NOG: variants seen among roughly 807,000 people sequenced by gnomAD.
NOG encodes the protein symphalangism 1 (proximal).
Under a neutral mutation model 17.9 loss-of-function variants are expected in NOG, and 2 were observed. The observed-to-expected ratio is 0.11, with a 90% CI of 0.05 to 0.35. NOG has a LOEUF of 0.35. Ranked by LOEUF, NOG falls within the 10% of genes least tolerant of loss-of-function variation. The pLI is 1.00. For missense variants in NOG, 266 were observed against 318.6 expected (o/e 0.83, Z 1.26); for synonymous variants, 166 against 148.7 (o/e 1.12, Z -0.85).
chr17:56,594,927 C>CG lies in NOG; in HGVS notation c.*10dup. 6.4e-7 allele frequency: 1 copy of CG among 1,560,840 alleles called. No homozygotes were observed. The highest frequency in any genetic ancestry group is 8.7e-7 in the Non-Finnish European group (1 of 1,151,808). Reference sequence around the variant, plus strand: ...GAGTGCAAGTGCTCGTGCTAGAACTCGGGGGCCCCCTGCCCGCACCCGGAC... The same window carrying CG: ...GAGTGCAAGTGCTCGTGCTAGAACTCGGGGGGCCCCCTGCCCGCACCCGGAC... On this transcript the variant is annotated 3_prime_UTR_variant, in exon 1 of 1. Transcript: ENST00000332822.
Position 56,594,819 on chromosome 17 carries a change from A to T in NOG, c.596A>T (p.His199Leu). 6.2e-7 allele frequency: 1 copy of T among 1,611,842 alleles called. No homozygotes were observed. Among genetic ancestry groups the T allele is most frequent in the Non-Finnish European group, 8.5e-7 (1 of 1,178,818 alleles). ...GMVCKPSKSVHLTVLRWRCQR... is the reference protein window; with the variant it reads ...GMVCKPSKSVLLTVLRWRCQR... Reference sequence around the variant, plus strand: ...GTGTGCAAGCCGTCCAAGTCCGTGCACCTCACGGTGCTGCGGTGGCGCTGT... The same window carrying T: ...GTGTGCAAGCCGTCCAAGTCCGTGCTCCTCACGGTGCTGCGGTGGCGCTGT... Residue 199 changes from histidine to leucine, a missense_variant, in exon 1 of 1, where the codon CAC becomes CTC. By Grantham distance (99) the His-to-Leu change is moderately conservative (BLOSUM62 -3). Around this residue, in one of 2 missense-constraint regions of NOG, gnomAD observed 74 missense variants for 121.0 expected, o/e 0.61. Transcript: ENST00000332822.
Position 56,594,499 on chromosome 17 carries a change from G to A in NOG, c.276G>A (p.Gly92=). Residue 92 remains glycine, a synonymous_variant, in exon 1 of 1, where the codon GGG becomes GGA. Coordinates refer to ENST00000332822, the MANE Select transcript of NOG (RefSeq NM_005450.6). ...CCGAGGACCGGCCCGGCGGGGGCGG[G>A]GGTGCAGCTGGGGGCGCGGAGGACC... is the stretch of plus-strand genomic sequence containing the variant. ...SPPEDRPGGG[G]GAAGGAEDLA... The A allele has an allele frequency of 6.2e-7, 1 of 1,608,676 alleles. No individual in the cohort carries two copies. Among genetic ancestry groups the A allele is most frequent in the East Asian group, 2.2e-5 (1 of 44,752 alleles).
chr17:56,593,751 G>A lies in NOG; in HGVS notation c.-473G>A. On this transcript the variant is annotated 5_prime_UTR_variant, in exon 1 of 1. Transcript: ENST00000332822. ...GCCGCCGCCGCCGCCGCTGGAGTCCGCCGGGCAGAGCCGGCCGCGGAGCCC... is the reference window on the plus strand; with the variant it reads ...GCCGCCGCCGCCGCCGCTGGAGTCCACCGGGCAGAGCCGGCCGCGGAGCCC... 5.5e-6 allele frequency: 1 copy of A among 180,638 alleles called. No individual in the cohort carries two copies. Among genetic ancestry groups the A allele is most frequent in the Non-Finnish European group, 1.1e-5 (1 of 88,606 alleles). 11.2% of individuals were successfully genotyped at this position (180,638 alleles called of 1,614,324 possible).
Position 56,594,322 on chromosome 17 carries a change from C to A in NOG, c.99C>A (p.Ile33=). 1 of 1,613,094 alleles carries A rather than the reference C, an allele frequency of 6.2e-7. No homozygotes were observed. Among genetic ancestry groups the A allele is most frequent in the South Asian group, 1.1e-5 (1 of 91,084 alleles). ...TPAGGQHYLH[I]RPAPSDNLPL... is the part of the protein sequence containing the mutation. ...CCGGCGGCCAGCACTATCTCCACAT[C>A]CGCCCGGCACCCAGCGACAACCTGC... Residue 33 remains isoleucine (I), a synonymous_variant, in exon 1 of 1, where the codon ATC becomes ATA. Coordinates refer to ENST00000332822, the MANE Select transcript of NOG (RefSeq NM_005450.6).
chr17:56,595,126 G>A lies in NOG; in HGVS notation c.*204G>A, dbSNP rs548814783. 122 of 523,832 alleles carry A rather than the reference G, an allele frequency of 2.3e-4. No individual in the cohort carries two copies. In the East Asian group the frequency reaches 3.6e-3, roughly 16 times the overall value. 32.4% of individuals were successfully genotyped at this position (523,832 alleles called of 1,614,324 possible). On this transcript the variant is annotated 3_prime_UTR_variant, in exon 1 of 1. Transcript: ENST00000332822. ...TTTAACTGTGTAGGAATGTATATGTGTGTGTATATACGGTCCCAGTTTTAA... is the reference window on the plus strand; with the variant it reads ...TTTAACTGTGTAGGAATGTATATGTATGTGTATATACGGTCCCAGTTTTAA...
In NOG at chr17:56,595,150, A is replaced by G; in HGVS notation, c.*228A>G. 1 of 415,290 alleles carries G rather than the reference A, an allele frequency of 2.4e-6. No homozygotes were observed. 25.7% of individuals were successfully genotyped at this position (415,290 alleles called of 1,614,324 possible). A position where few individuals can be genotyped will look rare whatever the true frequency, so the allele number is the denominator to read the frequency against. On this transcript the variant is annotated 3_prime_UTR_variant, in exon 1 of 1. Coordinates refer to ENST00000332822, the MANE Select transcript of NOG (RefSeq NM_005450.6). ...TGTGTGTATATACGGTCCCAGTTTTAATTTACTTATTAAAAGGTCAGTATT... is the reference window on the plus strand; with the variant it reads ...TGTGTGTATATACGGTCCCAGTTTTGATTTACTTATTAAAAGGTCAGTATT...
At position 56,594,486 on chromosome 17, in the gene NOG, C is replaced by G. The variant is rs752998662; in HGVS notation, c.263C>G (p.Pro88Arg). 1.2e-6 allele frequency: 2 copies of G among 1,610,346 alleles called. No homozygotes were observed. The highest frequency in any genetic ancestry group is 1.7e-6 in the Non-Finnish European group (2 of 1,178,614). ...FMATSPPEDR[P>R]GGGGGAAGGA... Reference sequence around the variant, plus strand: ...GCCACCTCGCCCCCCGAGGACCGGCCCGGCGGGGGCGGGGGTGCAGCTGGG... The same window carrying G: ...GCCACCTCGCCCCCCGAGGACCGGCGCGGCGGGGGCGGGGGTGCAGCTGGG... Residue 88 changes from proline to arginine, a missense_variant, in exon 1 of 1, where the codon CCC becomes CGC. Physicochemically the swap from Pro to Arg is moderately radical, Grantham distance 103 (BLOSUM62 -2). Around this residue, in one of 2 missense-constraint regions of NOG, gnomAD observed 192 missense variants for 197.6 expected, o/e 0.97. Transcript: ENST00000332822.
rs1486511196 is a variant in NOG, at chr17:56,594,181, G to T, written c.-43G>T. The T allele has an allele frequency of 6.6e-7, 1 of 1,510,454 alleles. No individual in the cohort carries two copies. Among genetic ancestry groups the T allele is most frequent in the Non-Finnish European group, 8.9e-7 (1 of 1,121,758 alleles). The allele number at this position is 1,510,454 out of a possible 1,614,324, so 93.6% of individuals were successfully genotyped here. On this transcript the variant is annotated 5_prime_UTR_variant, in exon 1 of 1. Coordinates refer to ENST00000332822, the MANE Select transcript of NOG (RefSeq NM_005450.6). ...CGCGGGCTCGGCGTGCTCTCCTCCG[G>T]GGACGCGGGACGAAGCAGCAGCCCC...
Position 56,593,993 on chromosome 17 carries a change from G to C in NOG, c.-231G>C, listed in dbSNP as rs1273947922. On this transcript the variant is annotated 5_prime_UTR_variant, in exon 1 of 1. Coordinates refer to ENST00000332822, the MANE Select transcript of NOG (RefSeq NM_005450.6). ...TGCCCAGCCGCGGCCGCCTTCCCCA[G>C]TAGACCCGGGAGAGGAGTTGCGGCC... 4.9e-5 allele frequency: 22 copies of C among 446,322 alleles called. No individual in the cohort carries two copies. The highest frequency in any genetic ancestry group is 1.2e-5 in the Non-Finnish European group (3 of 257,168). 27.6% of individuals were successfully genotyped at this position (446,322 alleles called of 1,614,324 possible).
rs533084238 is a variant in NOG, at chr17:56,594,051, G to A, written c.-173G>A. Reference sequence around the variant, plus strand: ...GTGCCTTTCTTCCGCCCCGGTGGGAGCCGGCGCTGCGCGAAGGGCTCTCCC... The same window carrying A: ...GTGCCTTTCTTCCGCCCCGGTGGGAACCGGCGCTGCGCGAAGGGCTCTCCC... On this transcript the variant is annotated 5_prime_UTR_variant, in exon 1 of 1. Coordinates refer to ENST00000332822, the MANE Select transcript of NOG (RefSeq NM_005450.6). 2.3e-3 allele frequency: 1,147 copies of A among 497,268 alleles called. 3 individuals carry two copies. Among genetic ancestry groups the A allele is most frequent in the Middle Eastern group, 5.2e-3 (10 of 1,930 alleles). The allele number at this position is 497,268 out of a possible 1,614,324, so 30.8% of individuals were successfully genotyped here. A position where few individuals can be genotyped will look rare whatever the true frequency, so the allele number is the denominator to read the frequency against.
rs1281704823 is a variant in NOG, at chr17:56,594,436, G to A, written c.213G>A (p.Gly71=). The change falls in exon 1 of 1, where the codon GGG becomes GGA. Residue 71 remains glycine (G), a synonymous_variant. Coordinates refer to ENST00000332822, the MANE Select transcript of NOG (RefSeq NM_005450.6). ...AGACGCTGCTGCGCTCGCTGCTCGG[G>A]GGCCACTACGACCCAGGCTTCATGG... ...LNETLLRSLL[G]GHYDPGFMAT... is the part of the protein sequence containing the mutation. The A allele has an allele frequency of 6.2e-7, 1 of 1,613,054 alleles. No homozygotes were observed. The highest frequency in any genetic ancestry group is 1.1e-5 in the South Asian group (1 of 91,082).
rs753766781 is a variant in NOG, at chr17:56,594,268, G to A, written c.45G>A (p.Val15=). The A allele has an allele frequency of 6.2e-7, 1 of 1,610,324 alleles. No individual in the cohort carries two copies. Among genetic ancestry groups the A allele is most frequent in the Non-Finnish European group, 8.5e-7 (1 of 1,178,772 alleles). The change falls in exon 1 of 1, where the codon GTG becomes GTA. Residue 15 remains valine (V), a synonymous_variant. Transcript: ENST00000332822. ...TAGGGGTCACCCTCTACGCCCTGGT[G>A]GTGGTCCTGGGGCTGCGGGCGACAC... ...PSLGVTLYAL[V]VVLGLRATPA...
At position 56,594,561 on chromosome 17, in the gene NOG, C is replaced by T. The variant is rs371150691; in HGVS notation, c.338C>T (p.Ser113Leu). 134 of 1,594,252 alleles carry T rather than the reference C, an allele frequency of 8.4e-5. No individual in the cohort carries two copies. Among genetic ancestry groups the T allele is most frequent in the Non-Finnish European group, 1.1e-4 (129 of 1,169,886 alleles). ...ELDQLLRQRP[S>L]GAMPSEIKGL... ...GACCAGCTGCTGCGGCAGCGGCCGT[C>T]GGGGGCCATGCCGAGCGAGATCAAA... is the stretch of plus-strand genomic sequence containing the variant. Residue 113 changes from serine to leucine, a missense_variant, in exon 1 of 1, where the codon TCG becomes TTG. This residue lies in a region of NOG where 192 missense variants were observed against 197.6 expected (regional missense o/e 0.97). Transcript: ENST00000332822.
At position 56,594,220 on chromosome 17, in the gene NOG, A is replaced by AGGCATGGAGCGCTGCCCCAGC; in HGVS notation, c.-3_18dup. The AGGCATGGAGCGCTGCCCCAGC allele has an allele frequency of 6.4e-7, 1 of 1,568,826 alleles. No homozygotes were observed. The highest frequency in any genetic ancestry group is 8.6e-7 in the Non-Finnish European group (1 of 1,158,122). ...AGCAGCAGCCCCGGGCGCGCGCCAG[A>AGGCATGGAGCGCTGCCCCAGC]GGCATGGAGCGCTGCCCCAGCCTAG... On this transcript the variant is annotated 5_prime_UTR_variant, in exon 1 of 1. In the 5' UTR this introduces an upstream ATG that the reference lacks. Transcript: ENST00000332822.
In NOG at chr17:56,594,767, C is replaced by A; in HGVS notation, c.544C>A (p.Arg182Ser). Residue 182 changes from arginine (R) to serine (S), a missense_variant, in exon 1 of 1, where the codon CGC becomes AGC. Arg to Ser is a moderately radical substitution (Grantham distance 110). This residue lies in a region of NOG where 74 missense variants were observed against 121.0 expected (regional missense o/e 0.61). Coordinates refer to ENST00000332822, the MANE Select transcript of NOG (RefSeq NM_005450.6). Reference sequence around the variant, plus strand: ...GAAGGTGGGCAGCTGCTTCAGTAAGCGCTCGTGCTCCGTGCCCGAGGGCAT... The same window carrying A: ...GAAGGTGGGCAGCTGCTTCAGTAAGAGCTCGTGCTCCGTGCCCGAGGGCAT... Reference protein sequence around the residue: ...YVKVGSCFSKRSCSVPEGMVC... With the variant: ...YVKVGSCFSKSSCSVPEGMVC... 1 of 1,613,432 alleles carries A rather than the reference C, an allele frequency of 6.2e-7. No individual in the cohort carries two copies. Among genetic ancestry groups the A allele is most frequent in the Non-Finnish European group, 8.5e-7 (1 of 1,179,554 alleles).
Position 56,593,935 on chromosome 17 carries a change from C to G in NOG, c.-289C>G. 2.7e-6 allele frequency: 1 copy of G among 377,270 alleles called. No homozygotes were observed. Among genetic ancestry groups the G allele is most frequent in the Admixed American group, 4.9e-5 (1 of 20,330 alleles). The allele number at this position is 377,270 out of a possible 1,614,324, so 23.4% of individuals were successfully genotyped here. Reference sequence around the variant, plus strand: ...AAGGCAGCGAGGAGCCGGCGCCTCCCGCGCCCCGCGGTCGCCCTGGAGTAA... The same window carrying G: ...AAGGCAGCGAGGAGCCGGCGCCTCCGGCGCCCCGCGGTCGCCCTGGAGTAA... On this transcript the variant is annotated 5_prime_UTR_variant, in exon 1 of 1. Transcript: ENST00000332822.
chr17:56,593,841 G>C lies in NOG; in HGVS notation c.-383G>C, dbSNP rs887571497. 4.3e-6 allele frequency: 1 copy of C among 231,004 alleles called. No individual in the cohort carries two copies. The highest frequency in any genetic ancestry group is 2.3e-5 in the African/African-American group (1 of 43,084). 14.3% of individuals were successfully genotyped at this position (231,004 alleles called of 1,614,324 possible). A position where few individuals can be genotyped will look rare whatever the true frequency, so the allele number is the denominator to read the frequency against. ...CAGCGGCGCTTGCACAGAGCGGCCG[G>C]ACGAAGAGCAGCGAGAGGAGGAGGG... On this transcript the variant is annotated 5_prime_UTR_variant, in exon 1 of 1. Transcript: ENST00000332822.
rs576666126 is a variant in NOG, at chr17:56,594,540, A to G, written c.317A>G (p.Gln106Arg). Residue 106 changes from glutamine (Q) to arginine (R), a missense_variant, in exon 1 of 1, where the codon CAG becomes CGG. This residue lies in a region of NOG where 192 missense variants were observed against 197.6 expected (regional missense o/e 0.97). Coordinates refer to ENST00000332822, the MANE Select transcript of NOG (RefSeq NM_005450.6). ...GGAEDLAELD[Q>R]LLRQRPSGAM... ...GCGGAGGACCTGGCGGAGCTGGACCAGCTGCTGCGGCAGCGGCCGTCGGGG... is the reference window on the plus strand; with the variant it reads ...GCGGAGGACCTGGCGGAGCTGGACCGGCTGCTGCGGCAGCGGCCGTCGGGG... 1 of 1,598,630 alleles carries G rather than the reference A, an allele frequency of 6.3e-7. No individual in the cohort carries two copies. The highest frequency in any genetic ancestry group is 1.3e-5 in the African/African-American group (1 of 74,710).
chr17:56,594,344 C>T lies in NOG; in HGVS notation c.121C>T (p.Leu41=), dbSNP rs772317007. 60 of 1,613,252 alleles carry T rather than the reference C, an allele frequency of 3.7e-5. No individual in the cohort carries two copies. The highest frequency in any genetic ancestry group is 4.7e-5 in the Non-Finnish European group (55 of 1,179,832). The change falls in exon 1 of 1, where the codon CTG becomes TTG. Residue 41 remains leucine (L), a synonymous_variant. Transcript: ENST00000332822. ...LHIRPAPSDN[L]PLVDLIEHPD... ...CATCCGCCCGGCACCCAGCGACAAC[C>T]TGCCCCTGGTGGACCTCATCGAACA...
Sources: allele counts gnomAD v4.1 joint callset, GRCh38; gene constraint gnomAD v4.1.1; regional missense constraint gnomAD v4.1.1; transcripts MANE v1.5; gene names NCBI Gene and HGNC (gene_info 2026-07-23, HGNC 2026-07-21).